Variants in GRIK3 observed in about 807,000 individuals in gnomAD.
GRIK3 encodes the protein glutamate receptor ionotropic, kainate 3.
Under a neutral mutation model 102.5 loss-of-function variants are expected in GRIK3, and 29 were observed. The ratio of observed to expected loss-of-function variants is 0.28; its 90% CI spans 0.21 to 0.39. The LOEUF (loss-of-function observed/expected upper bound fraction) is 0.39. Among genes scored for constraint, GRIK3 ranks in the 10% least tolerant of loss-of-function variants. GRIK3 has a pLI of 1.00. For missense variants in GRIK3, 908 were observed against 1,252.4 expected (o/e 0.73, Z 4.15); for synonymous variants, 511 against 504.9 (o/e 1.01, Z -0.16).
chr1:36,866,992 ACCAG>A (rs554192842), intron 5 of GRIK3, among the ~76,000 whole-genome samples: 174 of 152,342 alleles, frequency 1.1e-3, no homozygotes, highest in African/African-American at 4.0e-3. Flanking sequence ...GAAGGAAGCC[ACCAG>A]CTTGTGAGCT....
intron 9 of GRIK3, among the ~76,000 whole-genome samples, chr1:36,847,811 A>G (rs1248548727): frequency 2.0e-5 from 3 of 152,172 alleles, no homozygotes; most frequent in Non-Finnish European, 4.4e-5. Context: ...TTGATCATCA[A>G]ACTGTTCTTT....
At chr1:36,967,301 G>A (rs1341745355) in intron 1 of GRIK3, among the ~76,000 whole-genome samples, 1 of 152,154 alleles carries the variant, frequency 6.6e-6, no homozygotes, top group Non-Finnish European at 1.5e-5. Context: ...TTTCTATTGG[G>A]ACCCACAAAT....
In GRIK3 at chr1:36,913,979, C is replaced by T. The variant is rs144054530; in HGVS notation, c.116-22883G>A. Among the ~76,000 whole-genome samples, 65 of 152,296 alleles carry T rather than the reference C, an allele frequency of 4.3e-4. No homozygotes were observed. The East Asian group carries it at 5.2e-3, about 12-fold the overall frequency. On this transcript the variant is annotated intron_variant, in intron 1 of 15. Transcript: ENST00000373091. Reference sequence around the variant, plus strand: ...GGGGTCTCAGCTCCTGACTTGTCACCGGCCACCTGGAATTAAAGGCACAGC... The same window carrying T: ...GGGGTCTCAGCTCCTGACTTGTCACTGGCCACCTGGAATTAAAGGCACAGC...
At chr1:37,027,069 C>T (rs1382526173) in intron 1 of GRIK3, among the ~76,000 whole-genome samples, 2 of 151,982 alleles carry the variant, frequency 1.3e-5, no homozygotes, top group African/African-American at 2.4e-5. Flanking sequence ...GCCTAGATAC[C>T]GACTCACCCC....
chr1:36,818,721 A>G (rs1317401471), intron 12 of GRIK3, among the ~76,000 whole-genome samples: 1 of 152,186 alleles, frequency 6.6e-6, no homozygotes, highest in African/African-American at 2.4e-5. Flanking sequence ...TTGCTCATTC[A>G]TTTGGTGTTT....
chr1:37,025,865 C>T (rs1161797444), intron 1 of GRIK3, among the ~76,000 whole-genome samples: 1 of 152,196 alleles, frequency 6.6e-6, no homozygotes, highest in Non-Finnish European at 1.5e-5. Context: ...TACCATTCAG[C>T]ATGGCACCAA....
intron 1 of GRIK3, among the ~76,000 whole-genome samples, chr1:36,980,590 C>T (rs1642239119): frequency 6.6e-6 from 1 of 151,942 alleles, no homozygotes; most frequent in South Asian, 2.1e-4. Flanking sequence ...CCCAGATTGA[C>T]AGGTGTGACT....
At chr1:36,847,634 GC>G (rs1255505653) in intron 9 of GRIK3, among the ~76,000 whole-genome samples, 2 of 152,208 alleles carry the variant, frequency 1.3e-5, no homozygotes, top group Non-Finnish European at 2.9e-5. Flanking sequence ...CGCACTCTGT[GC>G]CACTTAATTA....
intron 1 of GRIK3, among the ~76,000 whole-genome samples, chr1:36,961,294 G>A (rs1642006038): frequency 6.6e-6 from 1 of 152,222 alleles, no homozygotes; most frequent in South Asian, 2.1e-4. Context: ...AGGGGCATAC[G>A]GAGGCAAGCA....
intron 10 of GRIK3, among the ~76,000 whole-genome samples, chr1:36,835,082 C>T (rs912343294): frequency 3.3e-5 from 5 of 152,230 alleles, no homozygotes; most frequent in Non-Finnish European, 7.3e-5. Flanking sequence ...TGTTTGCCCC[C>T]GGAGGGTAAG....
intron 9 of GRIK3, among the ~76,000 whole-genome samples, chr1:36,847,416 A>G (rs945655350): frequency 7.2e-5 from 11 of 152,226 alleles, no homozygotes; most frequent in Non-Finnish European, 1.5e-4. Flanking sequence ...TCAAATGCAA[A>G]TTAAGTTTGT....
At chr1:36,822,304 C>T (rs1052785159) in intron 11 of GRIK3, among the ~76,000 whole-genome samples, 12 of 152,222 alleles carry the variant, frequency 7.9e-5, no homozygotes, top group Admixed American at 1.3e-4. Context: ...AAAATAACCG[C>T]TTCTAGAATG....
intron 2 of GRIK3, among the ~76,000 whole-genome samples, chr1:36,886,629 C>T (rs1006705677): frequency 6.6e-6 from 1 of 152,132 alleles, no homozygotes; most frequent in East Asian, 1.9e-4. Flanking sequence ...TTGAGGGTTG[C>T]AGAAAGATGG....
chr1:36,859,987 G>C lies in GRIK3; in HGVS notation c.817C>G (p.Arg273Gly). 6.2e-7 allele frequency: 1 copy of C among 1,609,182 alleles called. No homozygotes were observed. Among genetic ancestry groups the C allele is most frequent in the Non-Finnish European group, 8.5e-7 (1 of 1,177,570 alleles). ...DLYALDLEPY[R>G]YSGVNLTGFR... ...CCTGTCAGGTTCACGCCTGAGTAGC[G>C]GTAGGGCTCCAGGTCTAAAGCGTAG... Residue 273 changes from arginine to glycine, a missense_variant, in exon 6 of 16, where the codon CGC (arginine) becomes GGC (glycine). This residue lies in a region of GRIK3 where 585 missense variants were observed against 824.9 expected (regional missense o/e 0.71). Transcript: ENST00000373091.
chr1:37,012,027 C>A (rs1358663110), intron 1 of GRIK3, among the ~76,000 whole-genome samples: 1 of 152,158 alleles, frequency 6.6e-6, no homozygotes, highest in South Asian at 2.1e-4. Context: ...ATCTCCAAGT[C>A]CTGTCTGGGC....
At chr1:36,921,673 TAAG>T (rs1413640434) in intron 1 of GRIK3, among the ~76,000 whole-genome samples, 4 of 152,204 alleles carry the variant, frequency 2.6e-5, no homozygotes, top group African/African-American at 9.7e-5. Context: ...CAGTAGATGA[TAAG>T]AAAGCACTGT....
At chr1:37,003,727 C>A (rs1182898030) in intron 1 of GRIK3, among the ~76,000 whole-genome samples, 2 of 152,196 alleles carry the variant, frequency 1.3e-5, no homozygotes, top group African/African-American at 4.8e-5. Context: ...CCCAAGACAG[C>A]CCCTTGGGTG....
chr1:36,843,995 C>A (rs777556786), intron 9 of GRIK3, among the ~76,000 whole-genome samples: 7 of 152,248 alleles, frequency 4.6e-5, no homozygotes, highest in African/African-American at 7.2e-5. Context: ...CCGGTGAAGA[C>A]CTTTGTCAGA....
intron 1 of GRIK3, among the ~76,000 whole-genome samples, chr1:37,023,783 C>G (rs1336370198): frequency 6.6e-6 from 1 of 152,148 alleles, no homozygotes; most frequent in Admixed American, 6.5e-5. Context: ...GGCTAATAAC[C>G]ACTTAACCTC....
Sources: gnomAD v4.1 joint callset for allele counts (sites outside exome capture counted in the v4.1 genomes callset) on GRCh38, gnomAD v4.1.1 for gene constraint, gnomAD v4.1.1 regional missense constraint, MANE v1.5 for transcripts, NCBI Gene and HGNC (gene_info 2026-07-23, HGNC 2026-07-21) for gene names.